The following RNGTT variants were observed in gnomAD, a reference collection of about 807,000 sequenced individuals.
RNGTT encodes the protein mRNA-capping enzyme.
RNGTT carries 33 observed loss-of-function variants against 79.3 expected under a neutral mutation model. The observed-to-expected ratio is 0.42, with a 90% confidence interval of 0.32 to 0.56. The LOEUF (loss-of-function observed/expected upper bound fraction) is 0.56, where lower values mean the gene tolerates loss of function less well. Ranked by LOEUF, RNGTT falls within the 20% of genes least tolerant of loss-of-function variation. RNGTT has a pLI of 0.17. For missense variants in RNGTT, 497 were observed against 739.1 expected (o/e 0.67, Z 3.80); for synonymous variants, 222 against 235.9 (o/e 0.94, Z 0.54).
Position 88,906,124 on chromosome 6 carries a change from A to G in RNGTT, c.443+241T>C, listed in dbSNP as rs150750830. Among the ~76,000 whole-genome samples the G allele has an allele frequency of 7.6e-4, 116 of 152,222 alleles. No individual in the cohort carries two copies. In the East Asian group the frequency reaches 0.02, roughly 27 times the overall value. On this transcript the variant is annotated intron_variant, in intron 5 of 15. Coordinates refer to ENST00000369485, the MANE Select transcript of RNGTT (RefSeq NM_003800.5). ...ATCACACCACTACACTCCAGCCTGG[A>G]TGACAGAGGAAACCTTGTCTCAAAG...
chr6:88,827,169 T>C (rs1382792160), intron 11 of RNGTT, among the ~76,000 whole-genome samples: 1 of 152,020 alleles, frequency 6.6e-6, no homozygotes, highest in Non-Finnish European at 1.5e-5. Context: ...CGGTGATTTC[T>C]GCATTTCTAA....
intron 8 of RNGTT, among the ~76,000 whole-genome samples, chr6:88,884,039 T>A (rs1021600945): frequency 6.6e-6 from 1 of 152,228 alleles, no homozygotes; most frequent in African/African-American, 2.4e-5. Flanking sequence ...TCTCACAAAC[T>A]GCCTGTGGGA....
intron 14 of RNGTT, among the ~76,000 whole-genome samples, chr6:88,644,343 A>AAC (rs1773448042): frequency 6.6e-6 from 1 of 152,138 alleles, no homozygotes; most frequent in Non-Finnish European, 1.5e-5. Context: ...CAGGCTCTGA[A>AAC]ATTGAGGCAA....
intron 13 of RNGTT, among the ~76,000 whole-genome samples, chr6:88,697,149 C>G (rs551710490): frequency 6.6e-6 from 1 of 152,250 alleles, no homozygotes; most frequent in African/African-American, 2.4e-5. Flanking sequence ...GAACTATAAT[C>G]AAAATACAAA....
intron 13 of RNGTT, among the ~76,000 whole-genome samples, chr6:88,702,488 G>A (rs976578667): frequency 6.0e-4 from 92 of 152,110 alleles, no homozygotes; most frequent in Non-Finnish European, 5.1e-4. Flanking sequence ...ATATTGTCCT[G>A]GGATAGCTGG....
Position 88,769,803 on chromosome 6 carries a change from A to G in RNGTT, c.1410T>C (p.Arg470=). 6.2e-7 allele frequency: 1 copy of G among 1,611,934 alleles called. No individual in the cohort carries two copies. The highest frequency in any genetic ancestry group is 8.5e-7 in the Non-Finnish European group (1 of 1,178,474). ...KPPSLNSVDF[R]LKITRMGGEG... ...CTCCTCCCATTCTTGTTATTTTTAG[A>G]CGAAAATCCACAGAATTCAGACTGG... Residue 470 remains arginine (R), a synonymous_variant, in exon 13 of 16, where the codon CGT becomes CGC. Coordinates refer to ENST00000369485, the MANE Select transcript of RNGTT (RefSeq NM_003800.5).
At chr6:88,678,077 A>C (rs2127789572) in intron 14 of RNGTT, 1 of 254,406 alleles carries the variant, frequency 3.9e-6, no homozygotes, top group Non-Finnish European at 6.4e-6. Context: ...CCTCAAACTC[A>C]TGGGGCTTAA....
In RNGTT at chr6:88,644,804, G is replaced by A. The variant is rs185830201; in HGVS notation, c.1507-30409C>T. 1.9e-3 allele frequency among the ~76,000 whole-genome samples: 292 copies of A among 152,174 alleles called. 4 individuals carry two copies. The highest frequency in any genetic ancestry group is 6.8e-3 in the African/African-American group (284 of 41,522). The stretch of plus-strand genomic sequence containing the variant: ...AAGGCCTTTGACAAAATTCAACAGC[G>A]CTTCATGCTAAAAATTCTCAATAAA... On this transcript the variant is annotated intron_variant, in intron 14 of 15. Coordinates refer to ENST00000369485, the MANE Select transcript of RNGTT (RefSeq NM_003800.5).
intron 13 of RNGTT, among the ~76,000 whole-genome samples, chr6:88,701,047 C>A (rs574384786): frequency 3.0e-4 from 45 of 150,970 alleles, no homozygotes; most frequent in African/African-American, 1.1e-3. Context: ...ATGGTATATG[C>A]ATGAAAGAAG....
At chr6:88,917,331 AT>A (rs1784031340) in intron 4 of RNGTT, among the ~76,000 whole-genome samples, 1 of 152,330 alleles carries the variant, frequency 6.6e-6, no homozygotes, top group Admixed American at 6.5e-5. Flanking sequence ...AAAAAAGGAT[AT>A]TTATACAATG....
At chr6:88,874,010 A>T (rs1040807061) in intron 8 of RNGTT, among the ~76,000 whole-genome samples, 1 of 152,150 alleles carries the variant, frequency 6.6e-6, no homozygotes, top group African/African-American at 2.4e-5. Flanking sequence ...AAATCTCATG[A>T]ATCAACCAGT....
intron 11 of RNGTT, among the ~76,000 whole-genome samples, chr6:88,832,806 C>G (rs1283963168): frequency 1.3e-5 from 2 of 152,030 alleles, no homozygotes; most frequent in African/African-American, 4.8e-5. Context: ...TGTATGCAGC[C>G]AAGAAACATA....
chr6:88,782,807 A>C (rs898246728), intron 12 of RNGTT, among the ~76,000 whole-genome samples: 5 of 152,174 alleles, frequency 3.3e-5, no homozygotes, highest in African/African-American at 4.8e-5. Flanking sequence ...CAGCATTTCT[A>C]ATCAGCAGGG....
At chr6:88,828,927 G>C (rs779097900) in intron 11 of RNGTT, among the ~76,000 whole-genome samples, 10 of 152,166 alleles carry the variant, frequency 6.6e-5, no homozygotes, top group Non-Finnish European at 1.0e-4. Flanking sequence ...GTACCTGAAA[G>C]TGACAGGGAG....
chr6:88,929,088 A>G lies in RNGTT; in HGVS notation c.279-15T>C. The G allele has an allele frequency of 3.7e-6, 6 of 1,602,754 alleles. No homozygotes were observed. Among genetic ancestry groups the G allele is most frequent in the Non-Finnish European group, 5.1e-6 (6 of 1,174,652 alleles). ...ACTCACCATGTCTAGTAATATAGAA[A>G]AAGTTTTTTTGAAAAAAGAGATTAC... On this transcript the variant is annotated splice_polypyrimidine_tract_variant and intron_variant, in intron 3 of 15. Transcript: ENST00000369485.
chr6:88,902,690 CTTTTTTTTTTTTTTT>C (rs71024315), intron 6 of RNGTT, among the ~76,000 whole-genome samples: 1 of 82,706 alleles, frequency 1.2e-5, no homozygotes, highest in Admixed American at 1.6e-4. Flanking sequence ...ATAGTGAAAT[CTTTTTTTTTTTTTTT>C]TTTTTTTTTG....
At chr6:88,701,325 A>G (rs1258537839) in intron 13 of RNGTT, among the ~76,000 whole-genome samples, 1 of 151,994 alleles carries the variant, frequency 6.6e-6, no homozygotes, top group Non-Finnish European at 1.5e-5. Context: ...CTTTGATCAC[A>G]TTTTCACAAA....
At chr6:88,946,287 G>A (rs1232223742) in intron 1 of RNGTT, among the ~76,000 whole-genome samples, 2 of 152,076 alleles carry the variant, frequency 1.3e-5, no homozygotes, top group South Asian at 4.1e-4. Context: ...TTGTTTTGGA[G>A]TGCCATGAAC....
intron 8 of RNGTT, among the ~76,000 whole-genome samples, chr6:88,855,559 A>T (rs1028351477): frequency 7.9e-5 from 12 of 152,168 alleles, no homozygotes; most frequent in South Asian, 6.2e-4. Context: ...ATAGAAAAAA[A>T]TTTTTTTAAA....
Sources: allele counts gnomAD v4.1 joint callset (sites outside exome capture counted in the v4.1 genomes callset), GRCh38; gene constraint gnomAD v4.1.1; transcripts MANE v1.5; gene names NCBI Gene and HGNC (gene_info 2026-07-23, HGNC 2026-07-21).